TRPC4: variants seen among roughly 807,000 people sequenced by gnomAD.
TRPC4 encodes short transient receptor potential channel 4.
A neutral mutation model predicts 99.4 loss-of-function variants in TRPC4; 49 were observed. The ratio of observed to expected loss-of-function variants is 0.49; its 90% CI spans 0.39 to 0.63. The LOEUF (loss-of-function observed/expected upper bound fraction) is 0.63, where lower values mean the gene tolerates loss of function less well. Among genes scored for constraint, TRPC4 ranks in the 20% least tolerant of loss-of-function variants. The probability of loss-of-function intolerance (pLI) is 0.00; values close to 1 mark genes in which losing one functional copy is unlikely to be tolerated. For synonymous variants in TRPC4, 454 were observed against 425.9 expected, an observed-to-expected ratio of 1.07 and a Z score of -0.81; for missense variants, 898 against 1,152.9, an observed-to-expected ratio of 0.78 and a Z score of 3.20.
Position 37,663,415 on chromosome 13 carries a change from C to T in TRPC4, c.1688+1G>A, listed in dbSNP as rs751851978. 7 of 1,609,198 alleles carry T rather than the reference C, an allele frequency of 4.3e-6. No homozygotes were observed. Among genetic ancestry groups the T allele is most frequent in the Admixed American group, 1.7e-5 (1 of 59,654 alleles). ...CCAGTAGAAATGTCTATTAGACTTA[C>T]GTTGAAAATGCATTATTCTGCTTTT... On this transcript the variant is annotated splice_donor_variant, in intron 6 of 10. Transcript: ENST00000379705. LOFTEE classifies it high-confidence loss of function.
rs573626602 is a variant in TRPC4, at chr13:37,742,345, C to G, written c.897+3592G>C. Among the ~76,000 whole-genome samples, 27 of 152,186 alleles carry G rather than the reference C, an allele frequency of 1.8e-4. No homozygotes were observed. In the South Asian group the frequency reaches 5.0e-3, roughly 28 times the overall value. ...ATTAACCCAAATAGTGCAATTTATT[C>G]AGGCAAAGAAACATGCAGGGAACCA... On this transcript the variant is annotated intron_variant, in intron 3 of 10. Transcript: ENST00000379705.
In TRPC4 at chr13:37,632,969, C is replaced by T. The variant is rs1951425941; in HGVS notation, c.*3934G>A. 6.6e-6 allele frequency among the ~76,000 whole-genome samples: 1 copy of T among 152,066 alleles called. No individual in the cohort carries two copies. Among genetic ancestry groups the T allele is most frequent in the Non-Finnish European group, 1.5e-5 (1 of 68,012 alleles). On this transcript the variant is annotated 3_prime_UTR_variant, in exon 11 of 11. Coordinates refer to ENST00000379705, the MANE Select transcript of TRPC4 (RefSeq NM_016179.4). ...GGCATTTATAATGTGATGCCTCATC[C>T]AAATATCTAGATGAGGAGGTTTTTG...
intron 1 of TRPC4, among the ~76,000 whole-genome samples, chr13:37,854,384 AG>A (rs1402467422): frequency 1.3e-5 from 2 of 152,156 alleles, no homozygotes; most frequent in African/African-American, 4.8e-5. Context: ...ACAAAAGCTG[AG>A]GGATTTCATC....
intron 2 of TRPC4, among the ~76,000 whole-genome samples, chr13:37,775,375 T>C (rs1956668217): frequency 1.3e-5 from 2 of 150,734 alleles, no homozygotes; most frequent in Non-Finnish European, 3.0e-5. Context: ...TTCTTTTGTT[T>C]AGATTTTTTT....
rs1016931808 is a variant in TRPC4 at position 37,633,518 on chromosome 13, G to A, written c.*3385C>T. On this transcript the variant is annotated 3_prime_UTR_variant, in exon 11 of 11. Transcript: ENST00000379705. ...AGTTATTAAGGATTATTGAATGTTAGAAGAATATATTCTTATGCTATTGTT... is the reference window on the plus strand; with the variant it reads ...AGTTATTAAGGATTATTGAATGTTAAAAGAATATATTCTTATGCTATTGTT... 3.9e-5 allele frequency among the ~76,000 whole-genome samples: 6 copies of A among 152,130 alleles called. No homozygotes were observed. The highest frequency in any genetic ancestry group is 1.2e-4 in the African/African-American group (5 of 41,430).
chr13:37,783,831 T>C (rs1013599665), intron 1 of TRPC4, among the ~76,000 whole-genome samples: 19 of 152,094 alleles, frequency 1.2e-4, no homozygotes, highest in African/African-American at 4.3e-4. Context: ...TTGCAAAATA[T>C]TGTTAATTTG....
chr13:37,653,418 AAAGAAAG>A (rs1415642376), intron 7 of TRPC4, among the ~76,000 whole-genome samples: 17 of 152,060 alleles, frequency 1.1e-4, no homozygotes, highest in East Asian at 1.9e-4. Context: ...AGGAAGAAAG[AAAGAAAG>A]AAGAAAGAAG....
At chr13:37,754,008 C>A (rs557798240) in intron 2 of TRPC4, among the ~76,000 whole-genome samples, 1 of 152,004 alleles carries the variant, frequency 6.6e-6, no homozygotes, top group Non-Finnish European at 1.5e-5. Context: ...GAGAGGGCAG[C>A]GAAAAGCTAT....
chr13:37,753,702 G>A (rs1004795611), intron 2 of TRPC4, among the ~76,000 whole-genome samples: 4 of 152,064 alleles, frequency 2.6e-5, no homozygotes, highest in African/African-American at 9.7e-5. Flanking sequence ...TGCCCTGAGA[G>A]TCCTCTGAAT....
chr13:37,775,053 G>C lies in TRPC4; in HGVS notation c.378+7903C>G, dbSNP rs894420798. On this transcript the variant is annotated intron_variant, in intron 2 of 10. Coordinates refer to ENST00000379705, the MANE Select transcript of TRPC4 (RefSeq NM_016179.4). Reference sequence around the variant, plus strand: ...TTAATCATGTTAATAATGGATTAGAGGGCTCTAATAAAATGACCCCACAAA... The same window carrying C: ...TTAATCATGTTAATAATGGATTAGACGGCTCTAATAAAATGACCCCACAAA... Among the ~76,000 whole-genome samples, 6 of 151,716 alleles carry C rather than the reference G, an allele frequency of 4.0e-5. No homozygotes were observed. In the South Asian group the frequency reaches 1.2e-3, roughly 32 times the overall value.
At chr13:37,731,007 A>G (rs569872914) in intron 3 of TRPC4, among the ~76,000 whole-genome samples, 57 of 152,164 alleles carry the variant, frequency 3.7e-4, no homozygotes, top group Non-Finnish European at 7.1e-4. Context: ...ACCAGATGTC[A>G]AAGTATAATA....
intron 2 of TRPC4, among the ~76,000 whole-genome samples, chr13:37,780,685 G>T (rs2139337622): frequency 6.6e-6 from 1 of 152,168 alleles, no homozygotes; most frequent in Middle Eastern, 3.4e-3. Flanking sequence ...GCTCTAATGG[G>T]ATTTGATACG....
At chr13:37,720,849 A>T (rs1954845351) in intron 3 of TRPC4, among the ~76,000 whole-genome samples, 1 of 152,196 alleles carries the variant, frequency 6.6e-6, no homozygotes, top group African/African-American at 2.4e-5. Flanking sequence ...GACACAGCTC[A>T]GGATATTTAT....
intron 1 of TRPC4, among the ~76,000 whole-genome samples, chr13:37,864,961 A>G (rs1392355044): frequency 6.6e-6 from 1 of 151,798 alleles, no homozygotes; most frequent in Non-Finnish European, 1.5e-5. Flanking sequence ...TCAATTATTC[A>G]TTTACTAATA....
At chr13:37,745,457 TATATATATATATATATACAC>T (rs776901746) in intron 3 of TRPC4, among the ~76,000 whole-genome samples, 213 of 8,020 alleles carry the variant, frequency 0.027, 1 homozygote, top group Admixed American at 0.09. Flanking sequence ...TATATATATA[TATATATATATATATATACAC>T]ACACACACAC....
intron 1 of TRPC4, among the ~76,000 whole-genome samples, chr13:37,824,485 G>C (rs1392423298): frequency 6.6e-6 from 1 of 151,996 alleles, no homozygotes; most frequent in Non-Finnish European, 1.5e-5. Flanking sequence ...AGCATGAAGG[G>C]TTGTTGAATT....
chr13:37,633,239 AGTTTT>A lies in TRPC4; in HGVS notation c.*3659_*3663del, dbSNP rs1951431165. Reference sequence around the variant, plus strand: ...TATTAAATTTCTAAATTCTATGGTTAGTTTTAAGTCAGAATTTCAGATAATACAGA... The same window carrying A: ...TATTAAATTTCTAAATTCTATGGTTAAAGTCAGAATTTCAGATAATACAGA... On this transcript the variant is annotated 3_prime_UTR_variant, in exon 11 of 11. Coordinates refer to ENST00000379705, the MANE Select transcript of TRPC4 (RefSeq NM_016179.4). 6.6e-6 allele frequency among the ~76,000 whole-genome samples: 1 copy of A among 152,204 alleles called. No homozygotes were observed.
chr13:37,826,680 G>A (rs1166228842), intron 1 of TRPC4, among the ~76,000 whole-genome samples: 11 of 152,150 alleles, frequency 7.2e-5, no homozygotes, highest in South Asian at 2.1e-4. Context: ...AGGGTAACCC[G>A]ACCTTTCTCT....
intron 1 of TRPC4, among the ~76,000 whole-genome samples, chr13:37,826,654 G>C (rs1325481362): frequency 2.0e-5 from 3 of 152,060 alleles, no homozygotes; most frequent in Non-Finnish European, 2.9e-5. Flanking sequence ...CTGTTAGTCT[G>C]ATGGGCTTCC....
Sources: allele counts gnomAD v4.1 joint callset (sites outside exome capture counted in the v4.1 genomes callset), GRCh38; gene constraint gnomAD v4.1.1; transcripts MANE v1.5; gene names NCBI Gene and HGNC (gene_info 2026-07-23, HGNC 2026-07-21).